DGKD: variants seen among roughly 807,000 people sequenced by gnomAD.
The protein encoded by DGKD is diacylglycerol kinase delta.
DGKD carries 68 observed loss-of-function variants against 154.4 expected under a neutral mutation model. The observed-to-expected ratio is 0.44, with a 90% CI of 0.36 to 0.54. The LOEUF is 0.54. DGKD is among the 20% of genes least tolerant of loss of function. DGKD has a pLI of 0.00. For missense variants in DGKD, 1,343 were observed against 1,593.6 expected (o/e 0.84, Z 2.68); for synonymous variants, 693 against 638.0 (o/e 1.09, Z -1.30).
At chr2:233,432,217 TCG>T (rs2062541758) in intron 3 of DGKD, among the ~76,000 whole-genome samples, 1 of 96,648 alleles carries the variant, frequency 1.0e-5, no homozygotes, top group Non-Finnish European at 2.3e-5. Flanking sequence ...CGGTGAAACC[TCG>T]TCTCTATTAA....
chr2:233,462,664 C>T lies in DGKD; in HGVS notation c.3115C>T (p.Leu1039=). 3.1e-6 allele frequency: 5 copies of T among 1,614,176 alleles called. No homozygotes were observed. Among genetic ancestry groups the T allele is most frequent in the Non-Finnish European group, 3.4e-6 (4 of 1,180,022 alleles). The change falls in exon 26 of 30, where the codon CTG becomes TTG. Residue 1039 remains leucine (L), a synonymous_variant. Coordinates refer to ENST00000264057, the MANE Select transcript of DGKD (RefSeq NM_152879.3). ...TTEGLNCSFV[L]EMVNNFRALR... ...CTAGGGGCTCAACTGCAGCTTCGTCCTGGAAATGGTGAATAACTTCAGAGC... is the reference window on the plus strand; with the variant it reads ...CTAGGGGCTCAACTGCAGCTTCGTCTTGGAAATGGTGAATAACTTCAGAGC...
At chr2:233,468,328 T>C in intron 28 of DGKD, 95 bp from the exon 29 acceptor site, 1 of 1,508,232 alleles carries the variant, frequency 6.6e-7, no homozygotes, top group Non-Finnish European at 9.0e-7. Flanking sequence ...TCTCCTGTCC[T>C]GGCACTGGGC....
At chr2:233,388,568 C>T (rs572256037) in intron 2 of DGKD, 1 of 486,360 alleles carries the variant, frequency 2.1e-6, no homozygotes, top group East Asian at 3.4e-5. Flanking sequence ...AATTTCTGTT[C>T]ATTTTCCTTT....
chr2:233,459,873 G>C lies in DGKD; in HGVS notation c.2811G>C (p.Gln937His). 6.2e-7 allele frequency: 1 copy of C among 1,614,018 alleles called. No individual in the cohort carries two copies. Among genetic ancestry groups the C allele is most frequent in the Non-Finnish European group, 8.5e-7 (1 of 1,179,940 alleles). Reference protein sequence around the residue: ...YIRIVHKNRAQTLTRDRAFES... With the variant: ...YIRIVHKNRAHTLTRDRAFES... ...GGATTGTCCACAAGAACCGGGCACA[G>C]ACACTGACCAGAGACAGGGTAAGAG... The change falls in exon 23 of 30, where the codon CAG (glutamine) becomes CAC (histidine). Residue 937 changes from glutamine to histidine, a missense_variant. This residue lies in a region of DGKD where 429 missense variants were observed against 496.3 expected (regional missense o/e 0.86). Coordinates refer to ENST00000264057, the MANE Select transcript of DGKD (RefSeq NM_152879.3). This position sits in a 1 kb window ranked among gnomAD's most constrained non-coding sequence, Gnocchi z 5.7.
chr2:233,454,365 G>A, intron 18 of DGKD: 1 of 471,858 alleles, frequency 2.1e-6, no homozygotes, highest in Middle Eastern at 3.3e-4. Flanking sequence ...AGAGAAAGGA[G>A]CCAGACACAG....
intron 9 of DGKD, among the ~76,000 whole-genome samples, chr2:233,439,368 G>A (rs552785812): frequency 4.6e-5 from 7 of 152,302 alleles, no homozygotes; most frequent in East Asian, 1.9e-4. Context: ...CATGCTGCTC[G>A]TCGTTGGTCC....
intron 3 of DGKD, chr2:233,419,476 G>C: frequency 3.1e-6 from 3 of 982,034 alleles, no homozygotes; most frequent in Non-Finnish European, 2.4e-6. Context: ...TGGGTGGTGA[G>C]TTCAAGGTCA....
At chr2:233,416,591 A>T (rs977040238) in intron 3 of DGKD, among the ~76,000 whole-genome samples, 23 of 152,312 alleles carry the variant, frequency 1.5e-4, no homozygotes, top group African/African-American at 5.1e-4. Flanking sequence ...CTTTGGGTAT[A>T]TGCAGATTTA....
At chr2:233,412,756 G>C (rs1407181428) in intron 3 of DGKD, among the ~76,000 whole-genome samples, 1 of 152,140 alleles carries the variant, frequency 6.6e-6, no homozygotes. Context: ...ATCAGTTTGA[G>C]GATGTTCTTT....
chr2:233,450,751 C>T lies in DGKD; in HGVS notation c.2039-171C>T, dbSNP rs375686233. On this transcript the variant is annotated intron_variant, in intron 16 of 29. Coordinates refer to ENST00000264057, the MANE Select transcript of DGKD (RefSeq NM_152879.3). The stretch of plus-strand genomic sequence containing the variant: ...ATGAGCCCAGCCCCCCAAACATGTG[C>T]ACCCACTCGGTCCTCCGCCCCCTTC... Among the ~76,000 whole-genome samples, 24 of 152,316 alleles carry T rather than the reference C, an allele frequency of 1.6e-4. No individual in the cohort carries two copies. The East Asian group carries it at 3.5e-3, about 22-fold the overall frequency.
At position 233,438,362 on chromosome 2, in the gene DGKD, C is replaced by T. The variant is rs186154470; in HGVS notation, c.1068C>T (p.Asn356=). 31 of 1,612,750 alleles carry T rather than the reference C, an allele frequency of 1.9e-5. No homozygotes were observed. The highest frequency in any genetic ancestry group is 4.4e-5 in the South Asian group (4 of 90,936). Reference sequence around the variant, plus strand: ...CCGCCCAGGTCTTCGACCTCATGAACGGAGGCCCACACCTCGGGTAGGAAG... The same window carrying T: ...CCGCCCAGGTCTTCGACCTCATGAATGGAGGCCCACACCTCGGGTAGGAAG... ...LNPAQVFDLM[N]GGPHLGLRLF... The change falls in exon 9 of 30, where the codon AAC becomes AAT. Residue 356 remains asparagine (N), a synonymous_variant. Transcript: ENST00000264057. The surrounding 1 kb of genome is among the most constrained non-coding windows in gnomAD (Gnocchi z 4.1).
chr2:233,363,393 T>A (rs1224746781), intron 1 of DGKD, among the ~76,000 whole-genome samples: 2 of 152,132 alleles, frequency 1.3e-5, no homozygotes, highest in African/African-American at 4.8e-5. Context: ...ATAAAGAAAA[T>A]ACTTTTGTAC....
At chr2:233,392,003 A>C (rs1187886395) in intron 3 of DGKD, 9 of 151,992 alleles carry the variant, frequency 5.9e-5, no homozygotes, top group African/African-American at 1.9e-4. Context: ...ATTTCTTTGG[A>C]GTGTTCTGAG....
At chr2:233,380,355 A>T (rs1702822396) in intron 1 of DGKD, among the ~76,000 whole-genome samples, 1 of 152,190 alleles carries the variant, frequency 6.6e-6, no homozygotes, top group South Asian at 2.1e-4. Context: ...AACTCAGCCA[A>T]CCCATCGTTA....
chr2:233,433,639 T>C (rs1395346414), intron 3 of DGKD, among the ~76,000 whole-genome samples: 2 of 152,220 alleles, frequency 1.3e-5, no homozygotes, highest in Non-Finnish European at 2.9e-5. Flanking sequence ...GGATACCCCA[T>C]TTACTCTGTG....
intron 17 of DGKD, among the ~76,000 whole-genome samples, chr2:233,451,556 C>CT (rs1448561106): frequency 3.3e-5 from 5 of 151,592 alleles, no homozygotes; most frequent in African/African-American, 1.2e-4. Context: ...AACATGAAAA[C>CT]TGACTCTATA....
chr2:233,410,362 C>T (rs2061797590), intron 3 of DGKD, among the ~76,000 whole-genome samples: 1 of 152,180 alleles, frequency 6.6e-6, no homozygotes, highest in African/African-American at 2.4e-5. Context: ...AAATCAAGGT[C>T]ATGGGCGCAG....
At position 233,438,662 on chromosome 2, in the gene DGKD, C is replaced by T. The variant is rs1254994548; in HGVS notation, c.1085+283C>T. Among the ~76,000 whole-genome samples, 2 of 152,226 alleles carry T rather than the reference C, an allele frequency of 1.3e-5. No homozygotes were observed. The highest frequency in any genetic ancestry group is 4.8e-5 in the African/African-American group (2 of 41,448). The stretch of plus-strand genomic sequence containing the variant: ...GCCAATCAGGATTCTTCTTTACCTG[C>T]CGTTGCACAAATGCCTTCTGTATGT... On this transcript the variant is annotated intron_variant, in intron 9 of 29. Transcript: ENST00000264057. The surrounding 1 kb of genome is among the most constrained non-coding windows in gnomAD (Gnocchi z 4.1).
chr2:233,422,655 G>A (rs1575088888), intron 3 of DGKD, among the ~76,000 whole-genome samples: 1 of 152,142 alleles, frequency 6.6e-6, no homozygotes, highest in African/African-American at 2.4e-5. Flanking sequence ...GCCCACATAC[G>A]CCCTTGTCCT....
Sources: gnomAD v4.1 joint callset for allele counts (sites outside exome capture counted in the v4.1 genomes callset) on GRCh38, gnomAD v4.1.1 for gene constraint, gnomAD v4.1.1 regional missense constraint, Gnocchi (gnomAD v3.1) non-coding constraint, MANE v1.5 for transcripts, NCBI Gene and HGNC (gene_info 2026-07-23, HGNC 2026-07-21) for gene names.